The following RORA variants were observed in gnomAD, a reference collection of about 807,000 sequenced individuals.
RORA encodes nuclear receptor ROR-alpha.
RORA carries 7 observed loss-of-function variants against 69.5 expected under a neutral mutation model. That is an observed-to-expected ratio of 0.10 (90% CI 0.06 to 0.19). RORA has a LOEUF of 0.19. RORA is among the 10% of genes least tolerant of loss of function. The probability of loss-of-function intolerance (pLI) is 1.00; values close to 1 mark genes in which losing one functional copy is unlikely to be tolerated. For missense variants in RORA, 457 were observed against 663.0 expected, an observed-to-expected ratio of 0.69 and a Z score of 3.41; for synonymous variants, 261 against 240.8, an observed-to-expected ratio of 1.08 and a Z score of -0.78.
At chr15:61,171,190 T>G (rs1351498170) in intron 1 of RORA, among the ~76,000 whole-genome samples, 1 of 152,158 alleles carries the variant, frequency 6.6e-6, no homozygotes, top group Non-Finnish European at 1.5e-5. Flanking sequence ...CACTTGGCTT[T>G]CAGGGCAGAA....
intron 1 of RORA, among the ~76,000 whole-genome samples, chr15:60,928,065 T>C (rs1393405299): frequency 6.6e-6 from 1 of 152,166 alleles, no homozygotes; most frequent in Non-Finnish European, 1.5e-5. Flanking sequence ...CATCCTCCCA[T>C]CTTCTCCAGG....
intron 2 of RORA, chr15:60,677,338 A>C (rs1242723637): frequency 2.4e-6 from 1 of 408,942 alleles, no homozygotes. Context: ...CAACAACGAC[A>C]AAACAACCCC....
intron 1 of RORA, among the ~76,000 whole-genome samples, chr15:60,916,437 G>T (rs1432439538): frequency 6.6e-6 from 1 of 152,152 alleles, no homozygotes; most frequent in Admixed American, 6.5e-5. Flanking sequence ...TTCTGAGCTG[G>T]AATAATTAAA....
intron 1 of RORA, among the ~76,000 whole-genome samples, chr15:60,896,764 A>C (rs905511658): frequency 2.4e-4 from 33 of 138,650 alleles, no homozygotes; most frequent in Non-Finnish European, 2.0e-4. Flanking sequence ...CTGCATAGCC[A>C]AGGGAATTTA....
At chr15:60,847,725 C>T (rs907709243) in intron 1 of RORA, 2 of 151,854 alleles carry the variant, frequency 1.3e-5, no homozygotes, top group Non-Finnish European at 2.9e-5. Context: ...CATATTGATA[C>T]CACGTTGAAA....
intron 1 of RORA, among the ~76,000 whole-genome samples, chr15:60,824,718 T>G (rs944796565): frequency 5.3e-5 from 8 of 152,210 alleles, no homozygotes; most frequent in African/African-American, 1.9e-4. Context: ...AGTGAGGTGA[T>G]TTTTGTAAAG....
chr15:60,686,063 A>C (rs2070742922), intron 1 of RORA, among the ~76,000 whole-genome samples: 1 of 150,572 alleles, frequency 6.6e-6, no homozygotes, highest in South Asian at 2.1e-4. Context: ...TTTTGAATTC[A>C]AAAAAAAAAT....
intron 1 of RORA, among the ~76,000 whole-genome samples, chr15:61,210,575 A>C (rs1473026525): frequency 6.6e-6 from 1 of 152,214 alleles, no homozygotes; most frequent in African/African-American, 2.4e-5. Context: ...AATTTGTGTA[A>C]AGAAAAAGGC....
At chr15:60,710,023 A>C (rs996762646) in intron 1 of RORA, among the ~76,000 whole-genome samples, 5 of 152,068 alleles carry the variant, frequency 3.3e-5, no homozygotes, top group African/African-American at 1.2e-4. Context: ...TAACTTGAAT[A>C]TCATGTGTCT....
intron 1 of RORA, among the ~76,000 whole-genome samples, chr15:61,098,049 C>G (rs921418423): frequency 2.6e-5 from 4 of 151,750 alleles, no homozygotes; most frequent in Middle Eastern, 3.2e-3. Context: ...TTCCTTCCTT[C>G]CTTCCTTCCT....
In RORA at chr15:60,531,044, A is replaced by T; in HGVS notation, c.282+722T>A. 1 of 152,260 alleles carries T rather than the reference A, an allele frequency of 6.6e-6. No individual in the cohort carries two copies. Among genetic ancestry groups the T allele is most frequent in the East Asian group, 1.9e-4 (1 of 5,202 alleles). 9.4% of individuals were successfully genotyped at this position (152,260 alleles called of 1,614,324 possible). On this transcript the variant is annotated intron_variant, in intron 3 of 10. Transcript: ENST00000335670. This position sits in a 1 kb window ranked among gnomAD's most constrained non-coding sequence, Gnocchi z 4.8. The stretch of plus-strand genomic sequence containing the variant: ...TCTGTTTCTCATCTGCACATTATGC[A>T]TGTGCTGTACACATTGCCCCATGAC...
intron 1 of RORA, among the ~76,000 whole-genome samples, chr15:60,882,982 T>C (rs2073702601): frequency 6.6e-6 from 1 of 151,748 alleles, no homozygotes; most frequent in South Asian, 2.1e-4. Flanking sequence ...AATACAAAAA[T>C]TAGCTGGTCT....
intron 1 of RORA, among the ~76,000 whole-genome samples, chr15:61,024,451 GT>G (rs34652090): frequency 0.14 from 18,473 of 134,650 alleles, 1,915 homozygotes; most frequent in East Asian, 0.28. Flanking sequence ...GCCCGGTAAT[GT>G]TTTTTTTTTT....
intron 1 of RORA, among the ~76,000 whole-genome samples, chr15:60,943,376 G>A (rs1892759386): frequency 6.6e-6 from 1 of 151,572 alleles, no homozygotes; most frequent in African/African-American, 2.4e-5. Context: ...TCTTGTTCTG[G>A]CTCTTGTAGT....
intron 9 of RORA, among the ~76,000 whole-genome samples, chr15:60,500,435 G>A (rs1400972278): frequency 6.6e-6 from 1 of 152,118 alleles, no homozygotes; most frequent in African/African-American, 2.4e-5. Flanking sequence ...AATTCCAACT[G>A]ACTTAAGGGT....
chr15:61,215,031 ATTTTTTTTTT>A (rs61132940), intron 1 of RORA, among the ~76,000 whole-genome samples: 7 of 80,636 alleles, frequency 8.7e-5, no homozygotes, highest in South Asian at 5.1e-4. Context: ...CGCCCAGCTA[ATTTTTTTTTT>A]TTTTTTTTTT....
At chr15:60,827,452 CAA>C (rs2072980792) in intron 1 of RORA, among the ~76,000 whole-genome samples, 2 of 152,280 alleles carry the variant, frequency 1.3e-5, no homozygotes, top group African/African-American at 2.4e-5. Flanking sequence ...CCCAGAAACA[CAA>C]AGTTATGAAG....
chr15:60,666,298 G>C (rs1250752450), intron 2 of RORA, among the ~76,000 whole-genome samples: 1 of 150,668 alleles, frequency 6.6e-6, no homozygotes, highest in Non-Finnish European at 1.5e-5. Flanking sequence ...CTCCCAAGTA[G>C]CTGGAACTAT....
chr15:60,684,202 T>C (rs947809249), intron 1 of RORA, among the ~76,000 whole-genome samples: 2 of 152,186 alleles, frequency 1.3e-5, no homozygotes, highest in African/African-American at 4.8e-5. Flanking sequence ...CTAGACTTGA[T>C]GCCACTCTGC....
Sources: gnomAD v4.1 joint callset for allele counts (sites outside exome capture counted in the v4.1 genomes callset) on GRCh38, gnomAD v4.1.1 for gene constraint, Gnocchi (gnomAD v3.1) non-coding constraint, MANE v1.5 for transcripts, NCBI Gene and HGNC (gene_info 2026-07-23, HGNC 2026-07-21) for gene names.